CCZ1B: variants seen among roughly 807,000 people sequenced by gnomAD.
CCZ1B encodes the protein vacuolar fusion protein CCZ1 homolog B.
A neutral mutation model predicts 58.8 loss-of-function variants in CCZ1B; 25 were observed. The ratio of observed to expected loss-of-function variants is 0.43; its 90% confidence interval spans 0.31 to 0.59. The LOEUF is 0.59. Ranked by LOEUF, CCZ1B falls within the 20% of genes least tolerant of loss-of-function variation. The pLI is 0.12. For missense variants in CCZ1B, 180 were observed against 501.5 expected (o/e 0.36, Z 6.12); for synonymous variants, 66 against 173.2 (o/e 0.38, Z 4.86).
At chr7:6,814,017 G>A (rs1174792609) in intron 8 of CCZ1B, among the ~76,000 whole-genome samples, 1 of 148,004 alleles carries the variant, frequency 6.8e-6, no homozygotes, top group Non-Finnish European at 1.5e-5. Context: ...ATGGTGGCAG[G>A]TGCCTATAAT....
intron 12 of CCZ1B, among the ~76,000 whole-genome samples, chr7:6,803,790 A>C (rs1164500530): frequency 6.6e-6 from 1 of 151,138 alleles, no homozygotes. Context: ...GGTAAAACCC[A>C]GTCTCTACAA....
At chr7:6,825,398 C>A (rs1783179107) in intron 1 of CCZ1B, among the ~76,000 whole-genome samples, 1 of 141,742 alleles carries the variant, frequency 7.1e-6, no homozygotes, top group Admixed American at 7.1e-5. Context: ...GCCACCACGC[C>A]CGGCTCACTT....
At chr7:6,810,598 G>T (rs1782903893) in intron 10 of CCZ1B, among the ~76,000 whole-genome samples, 1 of 148,200 alleles carries the variant, frequency 6.7e-6, no homozygotes. Flanking sequence ...GACTACACAT[G>T]AGCACTGCCA....
At chr7:6,821,662 A>G (rs1419581319) in intron 6 of CCZ1B, among the ~76,000 whole-genome samples, 1 of 151,784 alleles carries the variant, frequency 6.6e-6, no homozygotes, top group Non-Finnish European at 1.5e-5. Context: ...CCAAGGAGGG[A>G]AGATCGCTTG....
At chr7:6,811,051 T>C (rs1782910248) in intron 10 of CCZ1B, among the ~76,000 whole-genome samples, 1 of 151,568 alleles carries the variant, frequency 6.6e-6, no homozygotes. Context: ...AGACCCTCGA[T>C]TGTCACCCAG....
At chr7:6,817,898 G>T (rs1408867911) in intron 7 of CCZ1B, among the ~76,000 whole-genome samples, 1 of 148,856 alleles carries the variant, frequency 6.7e-6, no homozygotes, top group Non-Finnish European at 1.5e-5. Flanking sequence ...CAGCTACTCG[G>T]GAGGCTGAGG....
intron 11 of CCZ1B, 181 bp from the exon 12 acceptor site, chr7:6,805,236 A>G: frequency 2.4e-6 from 1 of 408,270 alleles, no homozygotes; most frequent in Non-Finnish European, 3.9e-6. Flanking sequence ...CAGATGAAAA[A>G]AGGGCGAAGA....
intron 7 of CCZ1B, among the ~76,000 whole-genome samples, chr7:6,815,542 C>T (rs1782986677): frequency 1.3e-5 from 2 of 148,956 alleles, no homozygotes; most frequent in South Asian, 4.2e-4. Context: ...CAGCTTGCTG[C>T]AGCCACCGAT....
intron 10 of CCZ1B, among the ~76,000 whole-genome samples, chr7:6,807,427 TCA>T (rs1201244655): frequency 7.3e-6 from 1 of 137,862 alleles, no homozygotes; most frequent in African/African-American, 2.6e-5. Context: ...CAGAGAAAAA[TCA>T]CAGAGATAAT....
chr7:6,819,109 C>A (rs1411180469), intron 7 of CCZ1B, among the ~76,000 whole-genome samples: 1 of 115,906 alleles, frequency 8.6e-6, no homozygotes, highest in Admixed American at 9.8e-5. Flanking sequence ...ACACAGTAAA[C>A]CCCATCTCTA....
chr7:6,810,634 C>T (rs1173837584), intron 10 of CCZ1B, among the ~76,000 whole-genome samples: 5 of 148,188 alleles, frequency 3.4e-5, no homozygotes, highest in Admixed American at 6.7e-5. Context: ...TAAACATTTT[C>T]CTGTCGACAC....
chr7:6,811,861 A>G (rs1184489548), intron 10 of CCZ1B, 91 bp downstream of exon 10: 1 of 1,277,666 alleles, frequency 7.8e-7, no homozygotes, highest in Non-Finnish European at 1.1e-6. Context: ...TCCAAGAAAC[A>G]TTTAAGAGGT....
intron 7 of CCZ1B, among the ~76,000 whole-genome samples, chr7:6,817,071 CTGTT>C (rs1201786940): frequency 1.3e-5 from 2 of 152,306 alleles, no homozygotes; most frequent in Non-Finnish European, 2.9e-5. Context: ...GAGTAAGAGG[CTGTT>C]TTTCTTGAAG....
chr7:6,808,923 G>T, intron 10 of CCZ1B, among the ~76,000 whole-genome samples: 1 of 145,188 alleles, frequency 6.9e-6, no homozygotes, highest in Non-Finnish European at 1.5e-5. Flanking sequence ...TGGCCAGGCT[G>T]GTCTCAAGTT....
chr7:6,802,102 G>C (rs1043487292), intron 12 of CCZ1B, among the ~76,000 whole-genome samples: 2 of 93,478 alleles, frequency 2.1e-5, no homozygotes, highest in African/African-American at 4.0e-5. Context: ...CGGGGAATGA[G>C]TGTCCCGTGG....
intron 6 of CCZ1B, among the ~76,000 whole-genome samples, chr7:6,821,534 G>A (rs1197192492): frequency 1.3e-5 from 2 of 152,286 alleles, no homozygotes; most frequent in South Asian, 2.1e-4. Flanking sequence ...TTAGAAAGTC[G>A]AATTCAAAAA....
intron 7 of CCZ1B, among the ~76,000 whole-genome samples, chr7:6,817,387 G>A (rs1352283560): frequency 6.6e-6 from 1 of 150,882 alleles, no homozygotes; most frequent in African/African-American, 2.5e-5. Flanking sequence ...ACCCATGGCG[G>A]GGCTTGTGTT....
intron 6 of CCZ1B, among the ~76,000 whole-genome samples, chr7:6,821,449 C>A (rs1445545171): frequency 6.6e-6 from 1 of 152,302 alleles, no homozygotes; most frequent in Non-Finnish European, 1.5e-5. Context: ...TAATTGTGGT[C>A]ATTAAAATGA....
At chr7:6,816,735 A>C (rs1331062699) in intron 7 of CCZ1B, among the ~76,000 whole-genome samples, 1 of 151,010 alleles carries the variant, frequency 6.6e-6, no homozygotes, top group Non-Finnish European at 1.5e-5. Context: ...CTTTGGAATA[A>C]GCAATTCCAT....
Sources: allele counts gnomAD v4.1 joint callset (sites outside exome capture counted in the v4.1 genomes callset), GRCh38; gene constraint gnomAD v4.1.1; transcripts MANE v1.5; gene names NCBI Gene and HGNC (gene_info 2026-07-23, HGNC 2026-07-21).